Variants in HERC2 observed in about 807,000 individuals in gnomAD.
The protein encoded by HERC2 is E3 ubiquitin-protein ligase HERC2.
HERC2 carries 102 observed loss-of-function variants against 537.7 expected under a neutral mutation model. The observed-to-expected ratio is 0.19, with a 90% CI of 0.16 to 0.22. HERC2 has a LOEUF of 0.22. Among genes scored for constraint, HERC2 ranks in the 10% least tolerant of loss-of-function variants. HERC2 has a pLI of 1.00. For synonymous variants in HERC2, 2,224 were observed against 2,466.2 expected, an observed-to-expected ratio of 0.90 and a Z score of 2.91; for missense variants, 4,236 against 6,198.2, an observed-to-expected ratio of 0.68 and a Z score of 10.63.
At chr15:28,189,919 A>G (rs1896668588) in intron 55 of HERC2, among the ~76,000 whole-genome samples, 1 of 152,190 alleles carries the variant, frequency 6.6e-6, no homozygotes, top group African/African-American at 2.4e-5. Context: ...ACAAAAATCA[A>G]CTATTTGATA....
intron 2 of HERC2, chr15:28,312,687 AGT>A (rs966052380): frequency 2.2e-5 from 4 of 185,162 alleles, no homozygotes; most frequent in Admixed American, 6.5e-5. Context: ...CCATTTGTAA[AGT>A]GAGAGTATTT....
intron 2 of HERC2, among the ~76,000 whole-genome samples, chr15:28,302,777 G>A (rs925708004): frequency 8.1e-5 from 12 of 148,442 alleles, no homozygotes; most frequent in African/African-American, 1.2e-4. Flanking sequence ...GCACCTGTTC[G>A]TACTGCCTGT....
intron 2 of HERC2, among the ~76,000 whole-genome samples, chr15:28,307,362 T>C (rs1191300528): frequency 6.6e-6 from 1 of 152,246 alleles, no homozygotes; most frequent in African/African-American, 2.4e-5. Context: ...TCATTTCAAC[T>C]CCATTTTATT....
chr15:28,148,044 A>T (rs1446152447), intron 70 of HERC2, among the ~76,000 whole-genome samples: 1 of 150,956 alleles, frequency 6.6e-6, no homozygotes, highest in Non-Finnish European at 1.5e-5. Flanking sequence ...CTCCAAAAAA[A>T]AAAAAAAGAA....
intron 42 of HERC2, chr15:28,212,803 T>C (rs1316723072): frequency 2.5e-6 from 1 of 397,090 alleles, no homozygotes; most frequent in Non-Finnish European, 3.4e-6. Flanking sequence ...TACAAACCTG[T>C]CAACAATAAT....
chr15:28,301,554 C>T lies in HERC2; in HGVS notation c.73-2038G>A, dbSNP rs1000098127. ...GTGAGTCAGAAAAGGCTTCCCAGAACAGGAAAAGGGAGCATTTCAGACACT... is the reference window on the plus strand; with the variant it reads ...GTGAGTCAGAAAAGGCTTCCCAGAATAGGAAAAGGGAGCATTTCAGACACT... On this transcript the variant is annotated intron_variant, in intron 2 of 92. Transcript: ENST00000261609. 1.0e-3 allele frequency among the ~76,000 whole-genome samples: 151 copies of T among 148,740 alleles called. 3 individuals carry two copies. The highest frequency in any genetic ancestry group is 3.4e-3 in the African/African-American group (139 of 40,588).
intron 57 of HERC2, among the ~76,000 whole-genome samples, chr15:28,181,599 A>T (rs914123363): frequency 1.3e-5 from 2 of 152,252 alleles, no homozygotes; most frequent in African/African-American, 2.4e-5. Flanking sequence ...GAACACAGAG[A>T]GTGCCTCTGG....
At chr15:28,245,781 A>C in intron 23 of HERC2, 100 bp downstream of exon 23, 1 of 1,132,366 alleles carries the variant, frequency 8.8e-7, no homozygotes, top group Non-Finnish European at 1.3e-6. Context: ...AGAAATGGCA[A>C]ATCTTCCTTT....
chr15:28,244,482 C>G (rs1903463854), intron 23 of HERC2, among the ~76,000 whole-genome samples: 1 of 151,988 alleles, frequency 6.6e-6, no homozygotes, highest in South Asian at 2.1e-4. Flanking sequence ...GAAATGAGTC[C>G]GAGTTTGGGA....
At chr15:28,266,832 G>T (rs887839639) in intron 12 of HERC2, among the ~76,000 whole-genome samples, 4 of 152,198 alleles carry the variant, frequency 2.6e-5, no homozygotes, top group African/African-American at 9.6e-5. Context: ...CCCATGTCTT[G>T]ATGGTGGTGA....
Position 28,141,488 on chromosome 15 carries a change from G to T in HERC2, c.11959C>A (p.Pro3987Thr), listed in dbSNP as rs1173471104. 6.2e-7 allele frequency: 1 copy of T among 1,614,000 alleles called. No homozygotes were observed. Among genetic ancestry groups the T allele is most frequent in the Non-Finnish European group, 8.5e-7 (1 of 1,180,032 alleles). Residue 3987 changes from proline to threonine, a missense_variant, in exon 78 of 93, where the codon CCC becomes ACC. Physicochemically the swap from Pro to Thr is conservative, Grantham distance 38. Coordinates refer to ENST00000261609, the MANE Select transcript of HERC2 (RefSeq NM_004667.6). ...TPCEALATLR[P>T]VQLIGGEQTL... ...TGTTCCCCTCCGATTAACTGCACGG[G>T]TCTGAGAGTTGCAAGGGCTTCACAG...
At chr15:28,319,364 TC>T (rs1196100140) in intron 2 of HERC2, among the ~76,000 whole-genome samples, 1 of 151,886 alleles carries the variant, frequency 6.6e-6, no homozygotes, top group Non-Finnish European at 1.5e-5. Flanking sequence ...GGCAGGCAGA[TC>T]GCTTTGAGGT....
intron 34 of HERC2, among the ~76,000 whole-genome samples, chr15:28,228,685 A>G (rs1901508848): frequency 6.6e-6 from 1 of 152,128 alleles, no homozygotes; most frequent in East Asian, 1.9e-4. Flanking sequence ...ACATCTAACT[A>G]TTTTCCAGGG....
At chr15:28,264,901 T>C (rs759694619) in intron 14 of HERC2, among the ~76,000 whole-genome samples, 9 of 152,110 alleles carry the variant, frequency 5.9e-5, no homozygotes, top group East Asian at 3.9e-4. Context: ...ACAAGGTCTG[T>C]CCCGTCAATG....
At chr15:28,308,136 C>T (rs927020605) in intron 2 of HERC2, among the ~76,000 whole-genome samples, 4 of 151,930 alleles carry the variant, frequency 2.6e-5, no homozygotes, top group South Asian at 2.1e-4. Context: ...CGGTAGATTG[C>T]TTTGGGTAGT....
chr15:28,294,816 A>G (rs543202680), intron 3 of HERC2, among the ~76,000 whole-genome samples: 1 of 152,004 alleles, frequency 6.6e-6, no homozygotes, highest in South Asian at 2.1e-4. Context: ...TGACTAATAA[A>G]CTGCTATTTC....
chr15:28,218,758 C>T (rs1424901297), intron 37 of HERC2, 87 bp from the exon 38 acceptor site: 4 of 1,168,050 alleles, frequency 3.4e-6, no homozygotes, highest in East Asian at 2.3e-5. Context: ...TTTAATATTA[C>T]ATTCTTGTTT....
chr15:28,218,845 T>C (rs1900213829), intron 37 of HERC2, among the ~76,000 whole-genome samples, 174 bp from the exon 38 acceptor site: 1 of 152,142 alleles, frequency 6.6e-6, no homozygotes, highest in Admixed American at 6.5e-5. Context: ...TTGTGTTCTT[T>C]TTTCCTTTGA....
At chr15:28,159,550 A>T (rs958629929) in intron 69 of HERC2, among the ~76,000 whole-genome samples, 1 of 152,138 alleles carries the variant, frequency 6.6e-6, no homozygotes, top group African/African-American at 2.4e-5. Context: ...TGCATTTGTC[A>T]CGTAGTTCTC....
Sources: gnomAD v4.1 joint callset for allele counts (sites outside exome capture counted in the v4.1 genomes callset) on GRCh38, gnomAD v4.1.1 for gene constraint, MANE v1.5 for transcripts, NCBI Gene and HGNC (gene_info 2026-07-23, HGNC 2026-07-21) for gene names.